E4F1: variants seen among roughly 807,000 people sequenced by gnomAD.
E4F1 encodes the protein E4F transcription factor 1.
Under a neutral mutation model 72.9 loss-of-function variants are expected in E4F1, and 30 were observed. That is an observed-to-expected ratio of 0.41 (90% CI 0.31 to 0.56). The LOEUF (loss-of-function observed/expected upper bound fraction) is 0.56, where lower values mean the gene tolerates loss of function less well. E4F1 is among the 20% of genes least tolerant of loss of function. The pLI is 0.25. For missense variants in E4F1, 1,091 were observed against 1,117.5 expected (o/e 0.98, Z 0.34); for synonymous variants, 542 against 478.2 (o/e 1.13, Z -1.74).
intron 3 of E4F1, 105 bp from the exon 4 acceptor site, chr16:2,232,066 C>A: frequency 6.9e-7 from 1 of 1,453,556 alleles, no homozygotes; most frequent in Non-Finnish European, 9.3e-7. Context: ...AGGTTGGGTC[C>A]AGGGTGTGGC....
At position 2,223,654 on chromosome 16, in the gene E4F1, C is replaced by A. The variant is rs777218258; in HGVS notation, c.41C>A (p.Thr14Lys). ...AMAVRVTAAHTAEAQAEAGRE... is the reference protein window; with the variant it reads ...AMAVRVTAAHKAEAQAEAGRE... ...GCAGTGCGGGTGACGGCCGCTCATACGGCAGAAGCCCAGGCCGAAGCCGGG... is the reference window on the plus strand; with the variant it reads ...GCAGTGCGGGTGACGGCCGCTCATAAGGCAGAAGCCCAGGCCGAAGCCGGG... The change falls in exon 1 of 14, where the codon ACG becomes AAG. Residue 14 changes from threonine to lysine, a missense_variant. By Grantham distance (78) the Thr-to-Lys change is moderately conservative (BLOSUM62 -1). Coordinates refer to ENST00000301727, the MANE Select transcript of E4F1 (RefSeq NM_004424.5). The A allele has an allele frequency of 1.3e-6, 2 of 1,588,918 alleles. No homozygotes were observed. Among genetic ancestry groups the A allele is most frequent in the Non-Finnish European group, 8.5e-7 (1 of 1,173,722 alleles).
chr16:2,232,604 C>A, intron 5 of E4F1, 28 bp downstream of exon 5: 2 of 1,609,892 alleles, frequency 1.2e-6, no homozygotes, highest in Non-Finnish European at 1.7e-6. Flanking sequence ...CGGGCTGGAG[C>A]CCGGTAGCAC....
intron 1 of E4F1, among the ~76,000 whole-genome samples, chr16:2,224,512 G>T (rs1320849365): frequency 6.6e-6 from 1 of 152,224 alleles, no homozygotes; most frequent in Non-Finnish European, 1.5e-5. Flanking sequence ...CGGGTGGGCT[G>T]GGTGCGGTGG....
Position 2,228,400 on chromosome 16 carries a change from C to T in E4F1, c.186C>T (p.Arg62=). 6.2e-7 allele frequency: 1 copy of T among 1,613,836 alleles called. No individual in the cohort carries two copies. The highest frequency in any genetic ancestry group is 1.6e-4 in the Middle Eastern group (1 of 6,062). Residue 62 remains arginine, a synonymous_variant, in exon 2 of 14, where the codon CGC becomes CGT. Coordinates refer to ENST00000301727, the MANE Select transcript of E4F1 (RefSeq NM_004424.5). ...EDEDDVHRCG[R]CQAEFTALED... is the part of the protein sequence containing the mutation. ...AGGACGATGTGCACAGATGCGGCCG[C>T]TGCCAGGCAGAGTTCACCGCCTTGG...
intron 3 of E4F1, chr16:2,231,771 T>C (rs1021339427): frequency 5.3e-6 from 1 of 187,096 alleles, no homozygotes; most frequent in Non-Finnish European, 1.1e-5. Context: ...ACGCACATCC[T>C]CCCTATGTTG....
rs528618207 is a variant in E4F1 at position 2,227,815 on chromosome 16, T to C, written c.158-557T>C. On this transcript the variant is annotated intron_variant, in intron 1 of 13. Transcript: ENST00000301727. ...CACACCCAGCCTAAATGTTTAACAA[T>C]GTTTTAAAAACTTTTTTTTTTTTTT... Among the ~76,000 whole-genome samples, 10 of 148,774 alleles carry C rather than the reference T, an allele frequency of 6.7e-5. No individual in the cohort carries two copies. In the East Asian group the frequency reaches 1.8e-3, roughly 27 times the overall value.
chr16:2,234,945 A>G lies in E4F1; in HGVS notation c.1879A>G (p.Thr627Ala). Residue 627 changes from threonine (T) to alanine (A), a missense_variant, in exon 12 of 14, where the codon ACA becomes GCA. Coordinates refer to ENST00000301727, the MANE Select transcript of E4F1 (RefSeq NM_004424.5). ...CACCGTCCTCACGGAAGACCCGCACACAGTGTTGGTGGAGTTCTCGTCCGT... is the reference window on the plus strand; with the variant it reads ...CACCGTCCTCACGGAAGACCCGCACGCAGTGTTGGTGGAGTTCTCGTCCGT... ...ATTVLTEDPH[T>A]VLVEFSSVVA... 1.3e-6 allele frequency: 2 copies of G among 1,583,154 alleles called. No homozygotes were observed. Among genetic ancestry groups the G allele is most frequent in the Non-Finnish European group, 8.6e-7 (1 of 1,164,502 alleles).
In E4F1 at chr16:2,229,678, A is replaced by G. The variant is rs752553910; in HGVS notation, c.415+3A>G. The G allele has an allele frequency of 1.2e-6, 2 of 1,612,660 alleles. No individual in the cohort carries two copies. Among genetic ancestry groups the G allele is most frequent in the East Asian group, 2.2e-5 (1 of 44,880 alleles). On this transcript the variant is annotated splice_donor_region_variant and intron_variant, in intron 3 of 13. Coordinates refer to ENST00000301727, the MANE Select transcript of E4F1 (RefSeq NM_004424.5). ...CAGCCACGCATCTGACCTTGTTGGT[A>G]AGCCGACTTCCATGAATCGCTGGCC...
Position 2,235,222 on chromosome 16 carries a change from A to G in E4F1, c.2005A>G (p.Ser669Gly), listed in dbSNP as rs1199673701. The change falls in exon 14 of 14, where the codon AGC (serine) becomes GGC (glycine). Residue 669 changes from serine to glycine, a missense_variant. This residue lies in a region of E4F1 where 622 missense variants were observed against 628.0 expected (regional missense o/e 0.99). Coordinates refer to ENST00000301727, the MANE Select transcript of E4F1 (RefSeq NM_004424.5). Reference sequence around the variant, plus strand: ...CTGAGCCGTGGCCCTGCAGGTGGACAGCCACATCATGAAGGTGGTGCAGCA... The same window carrying G: ...CTGAGCCGTGGCCCTGCAGGTGGACGGCCACATCATGAAGGTGGTGCAGCA... Reference protein sequence around the residue: ...IIEGTQTEVDSHIMKVVQQIV... With the variant: ...IIEGTQTEVDGHIMKVVQQIV... 1.9e-6 allele frequency: 3 copies of G among 1,609,258 alleles called. No individual in the cohort carries two copies. The highest frequency in any genetic ancestry group is 1.3e-5 in the African/African-American group (1 of 74,920).
intron 1 of E4F1, among the ~76,000 whole-genome samples, chr16:2,226,389 G>A (rs888595356): frequency 6.6e-6 from 1 of 152,208 alleles, no homozygotes; most frequent in African/African-American, 2.4e-5. Context: ...CAGGAGTAGG[G>A]TGGGAAGGGG....
rs2093420286 is a variant in E4F1 at position 2,224,582 on chromosome 16, G to C, written c.157+812G>C. Among the ~76,000 whole-genome samples, 3 of 152,074 alleles carry C rather than the reference G, an allele frequency of 2.0e-5. No homozygotes were observed. The South Asian group carries it at 6.2e-4, about 31-fold the overall frequency. On this transcript the variant is annotated intron_variant, in intron 1 of 13. Transcript: ENST00000301727. Reference sequence around the variant, plus strand: ...AGACGGGCGGGTCACGAGGTCAGGAGATGGAGACCATCCTGGCCAACATGG... The same window carrying C: ...AGACGGGCGGGTCACGAGGTCAGGACATGGAGACCATCCTGGCCAACATGG...
rs1399568411 is a variant in E4F1, at chr16:2,229,826, G to A, written c.415+151G>A. 9.2e-6 allele frequency: 7 copies of A among 759,526 alleles called. No individual in the cohort carries two copies. The East Asian group carries it at 1.9e-4, about 21-fold the overall frequency. The allele number at this position is 759,526 out of a possible 1,614,324, so 47.0% of individuals were successfully genotyped here. ...TCGTGGCAGCCTTTCTGCGGGCACA[G>A]CCTGCAGGAGGAGGAAGCGTTGGGC... On this transcript the variant is annotated intron_variant, in intron 3 of 13. Coordinates refer to ENST00000301727, the MANE Select transcript of E4F1 (RefSeq NM_004424.5).
At chr16:2,233,674 C>G (rs545657039) in intron 8 of E4F1, 27 bp downstream of exon 8, 2 of 1,523,522 alleles carry the variant, frequency 1.3e-6, no homozygotes, top group Non-Finnish European at 1.8e-6. Flanking sequence ...CCTGCGGGCT[C>G]CTCCCAGGGC....
chr16:2,234,440 T>C (rs950965005), intron 10 of E4F1, 52 bp downstream of exon 10: 1 of 1,602,046 alleles, frequency 6.2e-7, no homozygotes, highest in African/African-American at 1.3e-5. Context: ...TCCTGCTCCC[T>C]GGCCGTGGCC....
intron 2 of E4F1, among the ~76,000 whole-genome samples, chr16:2,228,797 G>C (rs1413139333): frequency 6.6e-6 from 1 of 152,192 alleles, no homozygotes; most frequent in Non-Finnish European, 1.5e-5. Flanking sequence ...TGGAGCTGGA[G>C]GGTCTCCTTT....
At chr16:2,225,964 G>T (rs997867603) in intron 1 of E4F1, among the ~76,000 whole-genome samples, 1 of 152,072 alleles carries the variant, frequency 6.6e-6, no homozygotes, top group Non-Finnish European at 1.5e-5. Context: ...GTGGTGGCAG[G>T]CGCCTGTAGT....
Position 2,234,375 on chromosome 16 carries a change from G to A in E4F1, c.1580G>A (p.Arg527His), listed in dbSNP as rs868316619. The A allele has an allele frequency of 3.1e-6, 5 of 1,612,792 alleles. No homozygotes were observed. Among genetic ancestry groups the A allele is most frequent in the East Asian group, 2.2e-5 (1 of 44,892 alleles). ...RPYPCPKCGK[R>H]YKTKNAQQVH... ...TACCCTTGTCCCAAGTGTGGCAAGC[G>A]CTACAAGACTAAGGTGGGTCTCTGG... Residue 527 changes from arginine (R) to histidine (H), a missense_variant, in exon 10 of 14, where the codon CGC becomes CAC. By Grantham distance (29) the Arg-to-His change is conservative (BLOSUM62 0). Coordinates refer to ENST00000301727, the MANE Select transcript of E4F1 (RefSeq NM_004424.5).
Position 2,232,751 on chromosome 16 carries a change from T to C in E4F1, c.731-5T>C, listed in dbSNP as rs369411860. 1.0e-4 allele frequency: 161 copies of C among 1,613,078 alleles called. No homozygotes were observed. The African/African-American group carries it at 2.0e-3, about 20-fold the overall frequency. ...TGCCCGGGGCTGACTAGGTTCTCTC[T>C]GCAGATGAGCGCCCCTACAAGTGCT... On this transcript the variant is annotated splice_region_variant and splice_polypyrimidine_tract_variant and intron_variant, in intron 5 of 13. Transcript: ENST00000301727.
Position 2,235,700 on chromosome 16 carries a change from TA to T in E4F1, c.*130del. The T allele has an allele frequency of 1.3e-6, 1 of 750,446 alleles. No individual in the cohort carries two copies. Among genetic ancestry groups the T allele is most frequent in the Non-Finnish European group, 2.1e-6 (1 of 478,062 alleles). The allele number at this position is 750,446 out of a possible 1,614,324, so 46.5% of individuals were successfully genotyped here. ...GGCGCCCCAAGACGGACAGTGTACATAAGAGTTTCTTGTTGCTTTACAATAA... is the reference window on the plus strand; with the variant it reads ...GGCGCCCCAAGACGGACAGTGTACATAGAGTTTCTTGTTGCTTTACAATAA... On this transcript the variant is annotated 3_prime_UTR_variant, in exon 14 of 14. Coordinates refer to ENST00000301727, the MANE Select transcript of E4F1 (RefSeq NM_004424.5).
Sources: allele counts gnomAD v4.1 joint callset (sites outside exome capture counted in the v4.1 genomes callset), GRCh38; gene constraint gnomAD v4.1.1; regional missense constraint gnomAD v4.1.1; transcripts MANE v1.5; gene names NCBI Gene and HGNC (gene_info 2026-07-23, HGNC 2026-07-21).